The following FBF1 variants were observed in gnomAD, a reference collection of about 807,000 sequenced individuals.
FBF1 encodes the protein fas-binding factor 1.
Under a neutral mutation model 147.2 loss-of-function variants are expected in FBF1, and 119 were observed. That is an observed-to-expected ratio of 0.81 (90% CI 0.70 to 0.94). The LOEUF (loss-of-function observed/expected upper bound fraction) is 0.94, where lower values mean the gene tolerates loss of function less well. Among genes scored for constraint, FBF1 ranks in the 40% least tolerant of loss-of-function variants. The pLI, the probability that FBF1 is intolerant of heterozygous loss-of-function variation, is 0.00. For synonymous variants in FBF1, 601 were observed against 609.0 expected (o/e 0.99, Z 0.19); for missense variants, 1,449 against 1,500.8 (o/e 0.97, Z 0.57).
intron 8 of FBF1, 107 bp downstream of exon 8, chr17:75,927,969 C>A: frequency 3.4e-6 from 3 of 878,904 alleles, no homozygotes; most frequent in East Asian, 2.6e-5. Flanking sequence ...CAGAGAAAAC[C>A]CAAGGACATG....
chr17:75,930,053 T>G lies in FBF1; in HGVS notation c.229-6A>C. ...GCCTCTGAGATACCTGAAACCTAAG[T>G]CCACAATGAGGGTGAGGACACAGAT... On this transcript the variant is annotated splice_region_variant and splice_polypyrimidine_tract_variant and intron_variant, in intron 6 of 29. Transcript: ENST00000636174. The G allele has an allele frequency of 6.9e-7, 1 of 1,449,062 alleles. No homozygotes were observed. The highest frequency in any genetic ancestry group is 9.2e-7 in the Non-Finnish European group (1 of 1,086,360). The allele number at this position is 1,449,062 out of a possible 1,614,324, so 89.8% of individuals were successfully genotyped here. A position where few individuals can be genotyped will look rare whatever the true frequency, so the allele number is the denominator to read the frequency against.
At chr17:75,936,207 G>A (rs968275120) in intron 3 of FBF1, among the ~76,000 whole-genome samples, 6 of 151,788 alleles carry the variant, frequency 4.0e-5, no homozygotes, top group East Asian at 1.9e-4. Context: ...CCAGGTACTC[G>A]GGAGGCTGAG....
rs562007185 is a variant in FBF1 at position 75,914,843 on chromosome 17, C to A, written c.2718G>T (p.Ala906=). The A allele has an allele frequency of 6.2e-7, 1 of 1,608,234 alleles. No homozygotes were observed. The highest frequency in any genetic ancestry group is 8.5e-7 in the Non-Finnish European group (1 of 1,178,626). ...CCCGCTCCTTACTCAGCTTTTGCTG[C>A]GCGGAGAACTCCGCCCACTCGGCAG... ...RLAAEWAEFS[A]QQKLSKERAE... Residue 906 remains alanine (A), a synonymous_variant, in exon 25 of 30, where the codon GCG becomes GCT. Transcript: ENST00000636174.
At position 75,920,161 on chromosome 17, in the gene FBF1, C is replaced by T. The variant is rs971891961; in HGVS notation, c.1831-54G>A. On this transcript the variant is annotated intron_variant, in intron 18 of 29. Coordinates refer to ENST00000636174, the MANE Select transcript of FBF1 (RefSeq NM_001319193.2). ...AGGGAGGGGAGGTGGCTGTACTCCACGCTGCCCTGTGCCAACAGCCCTTCC... is the reference window on the plus strand; with the variant it reads ...AGGGAGGGGAGGTGGCTGTACTCCATGCTGCCCTGTGCCAACAGCCCTTCC... 4.1e-5 allele frequency: 65 copies of T among 1,583,654 alleles called. No individual in the cohort carries two copies. The African/African-American group carries it at 5.0e-4, about 12-fold the overall frequency.
chr17:75,915,977 C>T (rs1037432898), intron 23 of FBF1, among the ~76,000 whole-genome samples: 2 of 131,854 alleles, frequency 1.5e-5, no homozygotes, highest in African/African-American at 6.0e-5. Flanking sequence ...CACTACACTA[C>T]AGCCTGGGTG....
In FBF1 at chr17:75,919,443, C is replaced by G. The variant is rs918379672; in HGVS notation, c.2138+225G>C. ...CTGCTGCCATGCCATGCCTGAACAG[C>G]CTGTGGGTACCCCCTCCTGCCTCTG... is the stretch of plus-strand genomic sequence containing the variant. On this transcript the variant is annotated intron_variant, in intron 20 of 29. Transcript: ENST00000636174. The surrounding 1 kb of genome is among the most constrained non-coding windows in gnomAD (Gnocchi z 5.0). 6.6e-6 allele frequency among the ~76,000 whole-genome samples: 1 copy of G among 152,170 alleles called. No individual in the cohort carries two copies. The highest frequency in any genetic ancestry group is 1.5e-5 in the Non-Finnish European group (1 of 68,026).
At position 75,926,387 on chromosome 17, in the gene FBF1, C is replaced by T. The variant is rs757516845; in HGVS notation, c.635G>A (p.Arg212Gln). 8.1e-5 allele frequency: 130 copies of T among 1,602,402 alleles called. No homozygotes were observed. Among genetic ancestry groups the T allele is most frequent in the East Asian group, 2.2e-4 (10 of 44,768 alleles). The change falls in exon 11 of 30, where the codon CGA (arginine) becomes CAA (glutamine). Residue 212 changes from arginine (R) to glutamine (Q), a missense_variant. By Grantham distance (43) the Arg-to-Gln change is conservative. Coordinates refer to ENST00000636174, the MANE Select transcript of FBF1 (RefSeq NM_001319193.2). ...IPLTPGDTPI[R>Q]KKEELLFDDG... ...ATCAAACAACAATTCTTCTTTTTTT[C>T]GGATGGGGGTGTCCCCAGGAGTTAG...
chr17:75,937,787 C>A, intron 2 of FBF1, 194 bp from the exon 3 acceptor site: 1 of 684,560 alleles, frequency 1.5e-6, no homozygotes, highest in Non-Finnish European at 2.5e-6. Context: ...TGGAAACAGC[C>A]CTGCTAACCA....
chr17:75,923,894 A>C lies in FBF1; in HGVS notation c.969-253T>G, dbSNP rs1406397355. ...CCACAGAGAACAGGAACAGGATCAA[A>C]TGACAGCCATGGGCACACAGGTCTA... On this transcript the variant is annotated intron_variant, in intron 13 of 29. Coordinates refer to ENST00000636174, the MANE Select transcript of FBF1 (RefSeq NM_001319193.2). This position sits in a 1 kb window ranked among gnomAD's most constrained non-coding sequence, Gnocchi z 4.1. Among the ~76,000 whole-genome samples, 1 of 152,238 alleles carries C rather than the reference A, an allele frequency of 6.6e-6. No homozygotes were observed. The highest frequency in any genetic ancestry group is 2.4e-5 in the African/African-American group (1 of 41,452).
In FBF1 at chr17:75,914,933, C is replaced by T; in HGVS notation, c.2629-1G>A. The T allele has an allele frequency of 6.2e-7, 1 of 1,611,432 alleles. No homozygotes were observed. The highest frequency in any genetic ancestry group is 8.5e-7 in the Non-Finnish European group (1 of 1,178,750). ...ACTTCTGCTCCTCCAGCAAGGCGCT[C>T]TGGGATGTGGGGGTGAAGGCACGGG... is the stretch of plus-strand genomic sequence containing the variant. On this transcript the variant is annotated splice_acceptor_variant, in intron 24 of 29. Coordinates refer to ENST00000636174, the MANE Select transcript of FBF1 (RefSeq NM_001319193.2). LOFTEE classifies it high-confidence loss of function.
Position 75,923,735 on chromosome 17 carries a change from C to T in FBF1, c.969-94G>A. Reference sequence around the variant, plus strand: ...AGCTGGGCGTCACGATGCCCAGGGACCCTGCACAGTCAGCTGAGGCCCAGT... The same window carrying T: ...AGCTGGGCGTCACGATGCCCAGGGATCCTGCACAGTCAGCTGAGGCCCAGT... On this transcript the variant is annotated intron_variant, in intron 13 of 29. Transcript: ENST00000636174. The surrounding 1 kb of genome is among the most constrained non-coding windows in gnomAD (Gnocchi z 4.1). 1 of 1,266,832 alleles carries T rather than the reference C, an allele frequency of 7.9e-7. No individual in the cohort carries two copies. Among genetic ancestry groups the T allele is most frequent in the South Asian group, 1.5e-5 (1 of 65,072 alleles). 78.5% of individuals were successfully genotyped at this position (1,266,832 alleles called of 1,614,324 possible).
At chr17:75,932,089 A>G (rs1598160979) in intron 5 of FBF1, among the ~76,000 whole-genome samples, 1 of 151,946 alleles carries the variant, frequency 6.6e-6, no homozygotes, top group Admixed American at 6.6e-5. Flanking sequence ...CTTCAATAAA[A>G]CCAGGAGCTG....
At position 75,918,295 on chromosome 17, in the gene FBF1, G is replaced by A. The variant is rs781592172; in HGVS notation, c.2139-26C>T. On this transcript the variant is annotated intron_variant, in intron 20 of 29. Coordinates refer to ENST00000636174, the MANE Select transcript of FBF1 (RefSeq NM_001319193.2). The surrounding 1 kb of genome is among the most constrained non-coding windows in gnomAD (Gnocchi z 5.8). ...CTGAGGGGAGGCGGGAGGGGAAGGCGGTCACTCTGAGCTGGATCACCCTGA... is the reference window on the plus strand; with the variant it reads ...CTGAGGGGAGGCGGGAGGGGAAGGCAGTCACTCTGAGCTGGATCACCCTGA... The A allele has an allele frequency of 8.1e-5, 129 of 1,594,146 alleles. 1 individual carries two copies. Among genetic ancestry groups the A allele is most frequent in the South Asian group, 4.4e-5 (4 of 89,888 alleles).
At chr17:75,937,459 C>T (rs923310493) in intron 3 of FBF1, 107 bp downstream of exon 3, 69 of 1,338,918 alleles carry the variant, frequency 5.2e-5, no homozygotes, top group Admixed American at 2.2e-4. Context: ...TGTGAGCCAC[C>T]GTGCCCGGCC....
rs189301608 is a variant in FBF1, at chr17:75,919,810, C to T, written c.1996G>A (p.Glu666Lys). 1,027 of 1,613,788 alleles carry T rather than the reference C, an allele frequency of 6.4e-4. 4 individuals are homozygous for T. The highest frequency in any genetic ancestry group is 9.9e-4 in the Middle Eastern group (6 of 6,062). The stretch of plus-strand genomic sequence containing the variant: ...GACAGATACCGAGCTGACAGCTCTT[C>T]GTTCTCTCTCCGGAGCCGCTCCTCC... ...QREERLRREN[E>K]ELSARYLSQC... is the part of the protein sequence containing the mutation. The change falls in exon 20 of 30, where the codon GAA becomes AAA. Residue 666 changes from glutamate to lysine, a missense_variant. Transcript: ENST00000636174. This position sits in a 1 kb window ranked among gnomAD's most constrained non-coding sequence, Gnocchi z 5.0.
chr17:75,937,593 C>T lies in FBF1; in HGVS notation c.4G>A (p.Ala2Thr), dbSNP rs1403853604. 6.2e-7 allele frequency: 1 copy of T among 1,613,872 alleles called. No homozygotes were observed. Among genetic ancestry groups the T allele is most frequent in the Non-Finnish European group, 8.5e-7 (1 of 1,179,860 alleles). The change falls in exon 3 of 30, where the codon GCA becomes ACA. Residue 2 changes from alanine to threonine, a missense_variant and splice_region_variant. Ala to Thr is a moderately conservative substitution (Grantham distance 58). Coordinates refer to ENST00000636174, the MANE Select transcript of FBF1 (RefSeq NM_001319193.2). Reference protein sequence around the residue: MAPKTKKGCKGS... With the variant: MTPKTKKGCKGS... ...TTACATCCTTTCTTGGTTTTTGGTGCCTAAAATGGGAAAAACAAATCACAT... is the reference window on the plus strand; with the variant it reads ...TTACATCCTTTCTTGGTTTTTGGTGTCTAAAATGGGAAAAACAAATCACAT...
At position 75,930,151 on chromosome 17, in the gene FBF1, C is replaced by T. The variant is rs79231945; in HGVS notation, c.229-104G>A. On this transcript the variant is annotated intron_variant, in intron 6 of 29. Coordinates refer to ENST00000636174, the MANE Select transcript of FBF1 (RefSeq NM_001319193.2). ...CTTGCTTCTGTTAGGGCAGACGGCG[C>T]GGCAGGAGCAGAGCTTGGCCAATGG... The T allele has an allele frequency of 2.5e-3, 2,091 of 852,350 alleles. 43 individuals are homozygous for T. In the East Asian group the frequency reaches 0.051, roughly 21 times the overall value. The allele number at this position is 852,350 out of a possible 1,614,324, so 52.8% of individuals were successfully genotyped here. A position where few individuals can be genotyped will look rare whatever the true frequency, so the allele number is the denominator to read the frequency against.
At chr17:75,937,626 A>T in intron 2 of FBF1, 33 bp from the exon 3 acceptor site, 1 of 1,613,490 alleles carries the variant, frequency 6.2e-7, no homozygotes, top group South Asian at 1.1e-5. Context: ...CATCAAGAAA[A>T]CCAAACAGTG....
intron 25 of FBF1, chr17:75,914,527 C>T (rs1019797636): frequency 3.5e-6 from 3 of 853,076 alleles, no homozygotes; most frequent in Non-Finnish European, 3.5e-6. Context: ...TTCTAAATGA[C>T]CAAAGTCATG....
Sources: gnomAD v4.1 joint callset for allele counts (sites outside exome capture counted in the v4.1 genomes callset) on GRCh38, gnomAD v4.1.1 for gene constraint, Gnocchi (gnomAD v3.1) non-coding constraint, MANE v1.5 for transcripts, NCBI Gene and HGNC (gene_info 2026-07-23, HGNC 2026-07-21) for gene names.